The following MYOM1 variants were observed in gnomAD, a reference collection of about 807,000 sequenced individuals.
The protein encoded by MYOM1 is myomesin-1.
Under a neutral mutation model 205.3 loss-of-function variants are expected in MYOM1, and 164 were observed. The observed-to-expected ratio is 0.80, with a 90% confidence interval of 0.70 to 0.91. MYOM1 has a LOEUF of 0.91. Ranked by LOEUF, MYOM1 falls within the 40% of genes least tolerant of loss-of-function variation. The pLI is 0.00. For missense variants in MYOM1, 2,011 were observed against 2,127.3 expected (o/e 0.95, Z 1.08); for synonymous variants, 772 against 789.4 (o/e 0.98, Z 0.37).
the MYOM1 span, among the ~76,000 whole-genome samples, chr18:3,240,501 A>G: frequency 6.6e-6 from 1 of 152,224 alleles, no homozygotes; most frequent in Non-Finnish European, 1.5e-5. Flanking sequence ...CCATGTAGAC[A>G]TGCCTTTCAT....
At chr18:3,191,019 A>G (rs1347694435) in intron 3 of MYOM1, among the ~76,000 whole-genome samples, 3 of 152,220 alleles carry the variant, frequency 2.0e-5, no homozygotes, top group Admixed American at 2.0e-4. Flanking sequence ...ACTACAGTTA[A>G]AAAGTATGTT....
At chr18:3,169,670 G>C (rs2080526709) in intron 8 of MYOM1, among the ~76,000 whole-genome samples, 1 of 152,160 alleles carries the variant, frequency 6.6e-6, no homozygotes, top group South Asian at 2.1e-4. Flanking sequence ...AAGATGTGGA[G>C]ACAAGGAAAC....
At chr18:3,193,489 T>C (rs532039138) in intron 3 of MYOM1, among the ~76,000 whole-genome samples, 41 of 152,020 alleles carry the variant, frequency 2.7e-4, no homozygotes, top group African/African-American at 9.9e-4. Flanking sequence ...TTCCAGCTAG[T>C]TTTATAAGCA....
intron 14 of MYOM1, among the ~76,000 whole-genome samples, chr18:3,141,187 G>T (rs746980066): frequency 6.6e-6 from 1 of 152,134 alleles, no homozygotes; most frequent in Non-Finnish European, 1.5e-5. Flanking sequence ...CAGTTCTGCC[G>T]AAATAATGTT....
At chr18:3,097,514 G>A (rs2079321090) in intron 25 of MYOM1, among the ~76,000 whole-genome samples, 1 of 151,982 alleles carries the variant, frequency 6.6e-6, no homozygotes, top group Admixed American at 6.6e-5. Context: ...GCCTCCAACT[G>A]CTGGGCTCAA....
intron 5 of MYOM1, among the ~76,000 whole-genome samples, chr18:3,181,981 G>A (rs1212122091): frequency 6.6e-6 from 1 of 152,086 alleles, no homozygotes; most frequent in African/African-American, 2.4e-5. Flanking sequence ...TAATCCGCCC[G>A]ACTCGGCCTC....
chr18:3,238,429 A>T, the MYOM1 span, among the ~76,000 whole-genome samples: 1 of 149,406 alleles, frequency 6.7e-6, no homozygotes. Flanking sequence ...TACAATAAAC[A>T]TGGTGAAGAT....
chr18:3,126,797 A>G lies in MYOM1; in HGVS notation c.2895T>C (p.Ile965=), dbSNP rs1453527364. Reference sequence around the variant, plus strand: ...CGCGATAGTTCACATAATAGCCAGTAATTTCTGCCCCTCCAATCTTATCTG... The same window carrying G: ...CGCGATAGTTCACATAATAGCCAGTGATTTCTGCCCCTCCAATCTTATCTG... The part of the protein sequence containing the change: ...KQPDKIGGAE[I]TGYYVNYREV... The change falls in exon 19 of 38, where the codon ATT becomes ATC. Residue 965 remains isoleucine (I), a synonymous_variant. Coordinates refer to ENST00000356443, the MANE Select transcript of MYOM1 (RefSeq NM_003803.4). 4 of 1,613,948 alleles carry G rather than the reference A, an allele frequency of 2.5e-6. No individual in the cohort carries two copies. The Admixed American group carries it at 6.7e-5, about 27-fold the overall frequency.
chr18:3,173,423 C>T (rs1031516523), intron 8 of MYOM1, among the ~76,000 whole-genome samples: 2 of 152,146 alleles, frequency 1.3e-5, no homozygotes, highest in African/African-American at 4.8e-5. Context: ...ACTGACGCTC[C>T]GATGAGGTGC....
Position 3,067,527 on chromosome 18 carries a change from C to T in MYOM1, c.4793G>A (p.Gly1598Glu). The change falls in exon 38 of 38, where the codon GGA becomes GAA. Residue 1598 changes from glycine (G) to glutamate (E), a missense_variant. Physicochemically the swap from Gly to Glu is moderately conservative, Grantham distance 98. Transcript: ENST00000356443. ...KALNLTCNVW[G>E]DPPPEVSWLK... ...CCACGACACCTCCGGAGGCGGGTCTCCCCACACGTTGCAAGTGAGATTAAG... is the reference window on the plus strand; with the variant it reads ...CCACGACACCTCCGGAGGCGGGTCTTCCCACACGTTGCAAGTGAGATTAAG... 1.9e-6 allele frequency: 3 copies of T among 1,613,754 alleles called. No individual in the cohort carries two copies. The highest frequency in any genetic ancestry group is 2.5e-6 in the Non-Finnish European group (3 of 1,179,814).
At chr18:3,191,905 C>A (rs959195003) in intron 3 of MYOM1, among the ~76,000 whole-genome samples, 2 of 152,020 alleles carry the variant, frequency 1.3e-5, no homozygotes, top group African/African-American at 4.8e-5. Context: ...ACCGTGTTAG[C>A]CAGGATGGTC....
At chr18:3,213,405 G>T (rs1286931160) in intron 2 of MYOM1, among the ~76,000 whole-genome samples, 1 of 152,180 alleles carries the variant, frequency 6.6e-6, no homozygotes, top group Non-Finnish European at 1.5e-5. Context: ...ATGTTTTGAA[G>T]ATCAGCAGTT....
At position 3,198,585 on chromosome 18, in the gene MYOM1, A is replaced by T. The variant is rs534870881; in HGVS notation, c.291-4627T>A. ...TGGATCAGGAGGTCAGGAGTTCACG[A>T]CCAGCCTGGCCAAGATGGTGAAACC... On this transcript the variant is annotated intron_variant, in intron 2 of 37. Transcript: ENST00000356443. Among the ~76,000 whole-genome samples the T allele has an allele frequency of 1.7e-3, 252 of 152,260 alleles. 10 individuals are homozygous for T. The South Asian group carries it at 0.05, about 30-fold the overall frequency.
chr18:3,112,200 G>A (rs2079536873), intron 22 of MYOM1, 98 bp downstream of exon 22: 11 of 919,538 alleles, frequency 1.2e-5, no homozygotes, highest in Non-Finnish European at 1.5e-5. Context: ...AGCACACATT[G>A]ATTGTTTTGA....
chr18:3,073,624 A>G (rs9949046), intron 36 of MYOM1, among the ~76,000 whole-genome samples: 48,479 of 152,076 alleles, frequency 0.32, 7,938 homozygotes, highest in African/African-American at 0.37. Context: ...ATGGGGGACA[A>G]GGGTTGCATT....
intron 10 of MYOM1, among the ~76,000 whole-genome samples, chr18:3,157,623 G>A (rs991950767): frequency 1.3e-5 from 2 of 151,216 alleles, no homozygotes; most frequent in Non-Finnish European, 2.9e-5. Flanking sequence ...GCTGCAGTAA[G>A]CTATGATTGC....
In MYOM1 at chr18:3,071,637, G is replaced by A. The variant is rs183894480; in HGVS notation, c.4764+197C>T. On this transcript the variant is annotated intron_variant, in intron 37 of 37. Transcript: ENST00000356443. ...GCCTCCCAGTGTTGGGATTACAGGC[G>A]TGAGCCATCGTGCCTGGCCAGAAAA... 9.8e-5 allele frequency among the ~76,000 whole-genome samples: 15 copies of A among 152,338 alleles called. No individual in the cohort carries two copies. The East Asian group carries it at 2.1e-3, about 22-fold the overall frequency.
the MYOM1 span, among the ~76,000 whole-genome samples, chr18:3,237,327 G>T: frequency 1.3e-4 from 20 of 152,310 alleles, no homozygotes; most frequent in African/African-American, 4.8e-4. Context: ...ATGGCCGGGT[G>T]TGGTGGCTCA....
At chr18:3,200,220 C>A (rs757186547) in intron 2 of MYOM1, among the ~76,000 whole-genome samples, 36 of 151,972 alleles carry the variant, frequency 2.4e-4, no homozygotes, top group Non-Finnish European at 4.7e-4. Context: ...AAAAACAAAA[C>A]CAAAATACAG....
Sources: allele counts gnomAD v4.1 joint callset (sites outside exome capture counted in the v4.1 genomes callset), GRCh38; gene constraint gnomAD v4.1.1; transcripts MANE v1.5; gene names NCBI Gene and HGNC (gene_info 2026-07-23, HGNC 2026-07-21).